The following RGS6 variants were observed in gnomAD, a reference collection of about 807,000 sequenced individuals.
RGS6 encodes the protein regulator of G protein signaling 6.
RGS6 carries 30 observed loss-of-function variants against 78.5 expected under a neutral mutation model. The observed-to-expected ratio is 0.38, with a 90% CI of 0.29 to 0.52. RGS6 has a LOEUF of 0.52. RGS6 is among the 20% of genes least tolerant of loss of function. The probability of loss-of-function intolerance (pLI) is 0.85; values close to 1 mark genes in which losing one functional copy is unlikely to be tolerated. For synonymous variants in RGS6, 206 were observed against 206.0 expected (o/e 1.00, Z 0.00); for missense variants, 495 against 609.7 (o/e 0.81, Z 1.98).
intron 2 of RGS6, among the ~76,000 whole-genome samples, chr14:72,206,348 A>G (rs2042704618): frequency 6.6e-6 from 1 of 152,182 alleles, no homozygotes; most frequent in East Asian, 1.9e-4. Context: ...AAAGATGGAC[A>G]TAGTATTTTG....
intron 2 of RGS6, among the ~76,000 whole-genome samples, chr14:72,068,461 T>A (rs2153450817): frequency 1.3e-5 from 2 of 150,624 alleles, no homozygotes; most frequent in Admixed American, 1.3e-4. Context: ...TAATTTTTTA[T>A]TCAATATTTC....
the RGS6 span, among the ~76,000 whole-genome samples, chr14:72,577,573 A>C: frequency 1.3e-5 from 2 of 152,336 alleles, no homozygotes; most frequent in East Asian, 3.9e-4. Flanking sequence ...ACATCAAGAC[A>C]CATCTAATTT....
chr14:72,496,221 G>A (rs1378889440), intron 13 of RGS6, among the ~76,000 whole-genome samples: 1 of 69,894 alleles, frequency 1.4e-5, no homozygotes, highest in Non-Finnish European at 2.5e-5. Flanking sequence ...GTCTAATGCT[G>A]TGGTTCCCAG....
At chr14:71,871,839 C>A in the RGS6 span, among the ~76,000 whole-genome samples, 3 of 152,194 alleles carry the variant, frequency 2.0e-5, no homozygotes, top group African/African-American at 7.2e-5. Context: ...TTTTCCTCTC[C>A]AGCTCATTCT....
intron 3 of RGS6, among the ~76,000 whole-genome samples, chr14:72,394,213 G>A (rs2090640212): frequency 6.6e-6 from 1 of 152,038 alleles, no homozygotes; most frequent in Non-Finnish European, 1.5e-5. Context: ...GGGTGTCCGG[G>A]GGAGACATCA....
intron 4 of RGS6, among the ~76,000 whole-genome samples, chr14:72,456,635 A>G (rs2095638346): frequency 6.6e-6 from 1 of 152,138 alleles, no homozygotes; most frequent in Admixed American, 6.5e-5. Context: ...TTGCTCAGAG[A>G]ATGAAGTTAG....
intron 3 of RGS6, among the ~76,000 whole-genome samples, chr14:72,411,663 T>C (rs1224136726): frequency 6.6e-6 from 1 of 152,198 alleles, no homozygotes; most frequent in African/African-American, 2.4e-5. Context: ...AAGGTAATGC[T>C]TCCAGTTTTT....
intron 2 of RGS6, among the ~76,000 whole-genome samples, chr14:72,025,346 T>G (rs2089627201): frequency 6.6e-6 from 1 of 152,032 alleles, no homozygotes; most frequent in Non-Finnish European, 1.5e-5. Flanking sequence ...TCACAATTAA[T>G]TATACAGGGT....
intron 3 of RGS6, among the ~76,000 whole-genome samples, chr14:72,384,394 T>C (rs900771965): frequency 2.0e-5 from 3 of 152,256 alleles, no homozygotes; most frequent in African/African-American, 7.2e-5. Context: ...AGAAGTATCT[T>C]TTAAAATGAA....
intron 2 of RGS6, among the ~76,000 whole-genome samples, chr14:71,996,553 C>T (rs1428373415): frequency 2.6e-5 from 4 of 152,070 alleles, no homozygotes; most frequent in Admixed American, 2.6e-4. Flanking sequence ...CTGGGGGCAA[C>T]TGGGGGATCA....
chr14:71,909,129 TG>T, the RGS6 span, among the ~76,000 whole-genome samples: 2 of 152,198 alleles, frequency 1.3e-5, no homozygotes, highest in South Asian at 4.1e-4. Flanking sequence ...CACATCTGCA[TG>T]TTCCAAGTCT....
At chr14:72,581,050 A>G in the RGS6 span, among the ~76,000 whole-genome samples, 1 of 152,184 alleles carries the variant, frequency 6.6e-6, no homozygotes, top group South Asian at 2.1e-4. Flanking sequence ...GCCACATGTG[A>G]CCATCCCATC....
Position 72,433,926 on chromosome 14 carries a change from C to A in RGS6, c.185-20602C>A, listed in dbSNP as rs148290352. Among the ~76,000 whole-genome samples, 1,345 of 152,304 alleles carry A rather than the reference C, an allele frequency of 8.8e-3. 20 individuals carry two copies. The highest frequency in any genetic ancestry group is 0.03 in the African/African-American group (1,265 of 41,546). On this transcript the variant is annotated intron_variant, in intron 3 of 17. Transcript: ENST00000553525. Reference sequence around the variant, plus strand: ...AGAACAGTGCCTAGCAAATAGTAAGCCCTATGTAAATGTTTGCTGATGTTG... The same window carrying A: ...AGAACAGTGCCTAGCAAATAGTAAGACCTATGTAAATGTTTGCTGATGTTG...
chr14:72,540,921 G>A (rs2153510574), intron 17 of RGS6: 1 of 985,400 alleles, frequency 1.0e-6, no homozygotes, highest in African/African-American at 1.7e-5. Flanking sequence ...GGGAGTCCGT[G>A]GCTGTTCCCT....
chr14:72,115,391 C>T (rs930228982), intron 2 of RGS6, among the ~76,000 whole-genome samples: 7 of 152,108 alleles, frequency 4.6e-5, no homozygotes, highest in Admixed American at 4.6e-4. Context: ...CAAATTAGAA[C>T]CCATGGGGAT....
chr14:72,360,780 AT>A (rs1872641454), intron 3 of RGS6, among the ~76,000 whole-genome samples: 1 of 152,124 alleles, frequency 6.6e-6, no homozygotes, highest in Non-Finnish European at 1.5e-5. Flanking sequence ...TGTGACTGAT[AT>A]GGTTTGGCTC....
intron 13 of RGS6, among the ~76,000 whole-genome samples, chr14:72,503,822 A>T (rs2096761743): frequency 1.3e-5 from 2 of 152,184 alleles, no homozygotes; most frequent in Non-Finnish European, 2.9e-5. Flanking sequence ...GGGTGGCAGC[A>T]TCATCCCCAC....
intron 2 of RGS6, among the ~76,000 whole-genome samples, chr14:72,245,610 C>T (rs2054028224): frequency 6.6e-6 from 1 of 152,198 alleles, no homozygotes; most frequent in African/African-American, 2.4e-5. Flanking sequence ...CCTGTAAACC[C>T]ACAACCTTCC....
chr14:72,396,809 C>T (rs986220884), intron 3 of RGS6, among the ~76,000 whole-genome samples: 2 of 152,168 alleles, frequency 1.3e-5, no homozygotes, highest in African/African-American at 2.4e-5. Context: ...GGAATCCTTT[C>T]CCCATTTCTT....
Sources: gnomAD v4.1 joint callset for allele counts (sites outside exome capture counted in the v4.1 genomes callset) on GRCh38, gnomAD v4.1.1 for gene constraint, MANE v1.5 for transcripts, NCBI Gene and HGNC (gene_info 2026-07-23, HGNC 2026-07-21) for gene names.